Variants in LRP1B observed in about 807,000 individuals in gnomAD.
LRP1B encodes low-density lipoprotein receptor-related protein 1B.
A neutral mutation model predicts 556.6 loss-of-function variants in LRP1B; 217 were observed. The ratio of observed to expected loss-of-function variants is 0.39; its 90% confidence interval spans 0.35 to 0.44. LRP1B has a LOEUF of 0.44. Among genes scored for constraint, LRP1B ranks in the 20% least tolerant of loss-of-function variants. The pLI, the probability that LRP1B is intolerant of heterozygous loss-of-function variation, is 1.00. For missense variants in LRP1B, 5,053 were observed against 5,620.8 expected, an observed-to-expected ratio of 0.90 and a Z score of 3.23; for synonymous variants, 2,047 against 1,865.8, an observed-to-expected ratio of 1.10 and a Z score of -2.50.
chr2:140,677,083 T>G (rs1199535301), intron 41 of LRP1B, among the ~76,000 whole-genome samples: 1 of 152,180 alleles, frequency 6.6e-6, no homozygotes. Context: ...GCAATGGCAT[T>G]TATACAAGAG....
intron 2 of LRP1B, among the ~76,000 whole-genome samples, chr2:141,678,818 T>G (rs978066718): frequency 2.6e-5 from 4 of 152,072 alleles, no homozygotes; most frequent in African/African-American, 9.7e-5. Flanking sequence ...TACAATGAAA[T>G]ACATTGGTAG....
rs754926955 is a variant in LRP1B at position 140,276,872 on chromosome 2, T to A, written c.12968-2274A>T. Among the ~76,000 whole-genome samples the A allele has an allele frequency of 6.6e-5, 10 of 151,982 alleles. No individual in the cohort carries two copies. The East Asian group carries it at 1.9e-3, about 30-fold the overall frequency. ...CGTTCCCTGCCACCCACTCCTAGAT[T>A]ATAATTCATAGGTCTGAAATGGGGC... On this transcript the variant is annotated intron_variant, in intron 84 of 90. Coordinates refer to ENST00000389484, the MANE Select transcript of LRP1B (RefSeq NM_018557.3).
At chr2:141,825,688 G>A (rs1267993629) in intron 1 of LRP1B, among the ~76,000 whole-genome samples, 3 of 152,080 alleles carry the variant, frequency 2.0e-5, no homozygotes, top group African/African-American at 7.2e-5. Flanking sequence ...ATAACCATAA[G>A]AAACACAGAT....
intron 2 of LRP1B, among the ~76,000 whole-genome samples, chr2:141,582,985 G>A (rs563239013): frequency 1.1e-4 from 17 of 151,660 alleles, no homozygotes; most frequent in African/African-American, 3.4e-4. Flanking sequence ...ACAGGCACCC[G>A]CCACCATGCC....
chr2:140,526,110 T>C (rs1038138943), intron 48 of LRP1B, 117 bp from the exon 49 acceptor site: 2 of 1,337,614 alleles, frequency 1.5e-6, no homozygotes, highest in Admixed American at 3.9e-5. Flanking sequence ...GATACGTAAT[T>C]ATCCCACACA....
At chr2:140,432,904 A>T (rs1361459959) in intron 66 of LRP1B, among the ~76,000 whole-genome samples, 2 of 152,230 alleles carry the variant, frequency 1.3e-5, no homozygotes, top group African/African-American at 4.8e-5. Context: ...GAAACTAATT[A>T]CCAAGAAGAT....
At chr2:141,600,379 G>A (rs1026663497) in intron 2 of LRP1B, among the ~76,000 whole-genome samples, 1 of 152,172 alleles carries the variant, frequency 6.6e-6, no homozygotes, top group Non-Finnish European at 1.5e-5. Context: ...ATTGGTCAGA[G>A]ATTTATTGTA....
intron 23 of LRP1B, among the ~76,000 whole-genome samples, chr2:140,892,256 A>G (rs1432589211): frequency 6.6e-6 from 1 of 152,202 alleles, no homozygotes; most frequent in Non-Finnish European, 1.5e-5. Flanking sequence ...AGAAGCAGAC[A>G]AACAGGACTT....
chr2:141,322,311 G>A (rs1184496627), intron 3 of LRP1B, among the ~76,000 whole-genome samples: 2 of 151,992 alleles, frequency 1.3e-5, no homozygotes, highest in African/African-American at 4.8e-5. Context: ...TAAGTCAAAG[G>A]TGGGCTTCCC....
intron 26 of LRP1B, 48 bp from the exon 27 acceptor site, chr2:140,867,882 A>G (rs370822055): frequency 6.8e-7 from 1 of 1,480,840 alleles, no homozygotes; most frequent in African/African-American, 1.4e-5. Flanking sequence ...TCATTCAACT[A>G]GTCCAGAGAC....
intron 3 of LRP1B, among the ~76,000 whole-genome samples, chr2:141,334,306 A>G (rs1687766566): frequency 6.6e-6 from 1 of 152,184 alleles, no homozygotes; most frequent in South Asian, 2.1e-4. Context: ...GAAGATATTG[A>G]GTTCCCACAA....
At chr2:141,783,404 C>T (rs16847169) in intron 2 of LRP1B, among the ~76,000 whole-genome samples, 13,882 of 151,954 alleles carry the variant, frequency 0.091, 686 homozygotes, top group Non-Finnish European at 0.1. Flanking sequence ...TATCCAAAGA[C>T]CTTACAGTCA....
chr2:141,327,417 T>C (rs909378474), intron 3 of LRP1B, among the ~76,000 whole-genome samples: 3 of 152,022 alleles, frequency 2.0e-5, no homozygotes, highest in African/African-American at 4.8e-5. Context: ...AGGGATAAAA[T>C]AGTATTTACT....
intron 67 of LRP1B, among the ~76,000 whole-genome samples, chr2:140,383,067 C>T (rs1316469107): frequency 6.6e-6 from 1 of 152,116 alleles, no homozygotes; most frequent in Non-Finnish European, 1.5e-5. Context: ...TGATGTCGTT[C>T]ACACAATGAC....
At chr2:141,064,562 C>T (rs528114390) in intron 7 of LRP1B, among the ~76,000 whole-genome samples, 1 of 152,018 alleles carries the variant, frequency 6.6e-6, no homozygotes, top group African/African-American at 2.4e-5. Context: ...ACTTCAGATT[C>T]CTGACTGTGA....
At chr2:141,180,923 T>C (rs1398821631) in intron 7 of LRP1B, among the ~76,000 whole-genome samples, 1 of 151,884 alleles carries the variant, frequency 6.6e-6, no homozygotes, top group Non-Finnish European at 1.5e-5. Flanking sequence ...AAAGAAAAGA[T>C]AAGGCGTAGC....
chr2:141,226,309 G>A (rs1683247238), intron 6 of LRP1B, among the ~76,000 whole-genome samples: 1 of 152,200 alleles, frequency 6.6e-6, no homozygotes, highest in Non-Finnish European at 1.5e-5. Flanking sequence ...TGAACTTTGA[G>A]TAAAAATGCC....
intron 7 of LRP1B, among the ~76,000 whole-genome samples, chr2:141,087,812 T>C (rs1296224781): frequency 6.6e-6 from 1 of 152,206 alleles, no homozygotes; most frequent in Non-Finnish European, 1.5e-5. Context: ...TGACTGACCA[T>C]GCAGAACTTC....
intron 43 of LRP1B, among the ~76,000 whole-genome samples, chr2:140,587,644 G>C (rs1437122634): frequency 6.6e-6 from 1 of 152,112 alleles, no homozygotes; most frequent in Non-Finnish European, 1.5e-5. Context: ...ATTAACTTTG[G>C]AGATAAATAG....
Sources: gnomAD v4.1 joint callset for allele counts (sites outside exome capture counted in the v4.1 genomes callset) on GRCh38, gnomAD v4.1.1 for gene constraint, MANE v1.5 for transcripts, NCBI Gene and HGNC (gene_info 2026-07-23, HGNC 2026-07-21) for gene names.